NVL: variants seen among roughly 807,000 people sequenced by gnomAD.
NVL encodes the protein nuclear valosin-containing protein-like.
Under a neutral mutation model 110.2 loss-of-function variants are expected in NVL, and 84 were observed. The observed-to-expected ratio is 0.76, with a 90% CI of 0.64 to 0.91. The LOEUF is 0.91. NVL is among the 40% of genes least tolerant of loss of function. The probability of loss-of-function intolerance (pLI) is 0.00; values close to 1 mark genes in which losing one functional copy is unlikely to be tolerated. For missense variants in NVL, 882 were observed against 1,035.9 expected (o/e 0.85, Z 2.04); for synonymous variants, 354 against 361.1 (o/e 0.98, Z 0.22).
intron 2 of NVL, among the ~76,000 whole-genome samples, chr1:224,318,850 G>T (rs903677009): frequency 1.3e-5 from 2 of 151,398 alleles, no homozygotes; most frequent in Admixed American, 6.6e-5. Flanking sequence ...TTAGCCAGGC[G>T]TGGTGGTGGG....
intron 19 of NVL, among the ~76,000 whole-genome samples, chr1:224,242,720 G>A (rs530285261): frequency 6.2e-4 from 94 of 151,750 alleles, no homozygotes; most frequent in African/African-American, 1.9e-3. Context: ...CACCTGCCTC[G>A]GCCTCCCAAA....
At chr1:224,289,328 A>T (rs1281604040) in intron 13 of NVL, 156 bp downstream of exon 13, 1 of 592,380 alleles carries the variant, frequency 1.7e-6, no homozygotes, top group Non-Finnish European at 2.7e-6. Context: ...TATTTTTGAA[A>T]TGATAAACAT....
At chr1:224,304,247 A>G (rs1251788643) in intron 8 of NVL, among the ~76,000 whole-genome samples, 1 of 152,148 alleles carries the variant, frequency 6.6e-6, no homozygotes, top group Non-Finnish European at 1.5e-5. Context: ...CAACATGGTG[A>G]AGCCCTGTCT....
At chr1:224,238,408 G>A (rs528739461) in intron 19 of NVL, among the ~76,000 whole-genome samples, 68 of 152,298 alleles carry the variant, frequency 4.5e-4, no homozygotes, top group African/African-American at 1.6e-3. Flanking sequence ...TGGCTGAGAG[G>A]ACTGGAGCTG....
At chr1:224,278,154 A>G (rs951574399) in intron 16 of NVL, among the ~76,000 whole-genome samples, 2 of 151,886 alleles carry the variant, frequency 1.3e-5, no homozygotes, top group African/African-American at 4.8e-5. Flanking sequence ...ATGGCTGTTT[A>G]ATCTAAAATG....
Position 224,296,569 on chromosome 1 carries a change from G to C in NVL, c.1112C>G (p.Pro371Arg). The change falls in exon 11 of 23, where the codon CCC (proline) becomes CGC (arginine). Residue 371 changes from proline (P) to arginine (R), a missense_variant. Pro to Arg is a moderately radical substitution (Grantham distance 103). This residue lies in a region of NVL where 416 missense variants were observed against 499.3 expected (regional missense o/e 0.83). Coordinates refer to ENST00000281701, the MANE Select transcript of NVL (RefSeq NM_002533.4). ...ATCTTTTGAAGCCACTTCTCTTTTGGGGGTAATAGCATCAATTTCATCAAT... is the reference window on the plus strand; with the variant it reads ...ATCTTTTGAAGCCACTTCTCTTTTGCGGGTAATAGCATCAATTTCATCAAT... ...IFIDEIDAIT[P>R]KREVASKDME... 5 of 1,607,192 alleles carry C rather than the reference G, an allele frequency of 3.1e-6. No individual in the cohort carries two copies. The highest frequency in any genetic ancestry group is 4.2e-6 in the Non-Finnish European group (5 of 1,177,134).
chr1:224,251,760 C>T (rs2102762676), intron 18 of NVL, among the ~76,000 whole-genome samples: 1 of 152,290 alleles, frequency 6.6e-6, no homozygotes, highest in South Asian at 2.1e-4. Context: ...CACCACACCA[C>T]TCCACCCCAC....
intron 2 of NVL, among the ~76,000 whole-genome samples, chr1:224,322,588 G>A (rs1456229547): frequency 1.3e-5 from 2 of 152,138 alleles, no homozygotes; most frequent in Non-Finnish European, 2.9e-5. Flanking sequence ...TCAGAACTAG[G>A]TAGTAGAGGC....
At chr1:224,260,289 C>T (rs978456567) in intron 18 of NVL, among the ~76,000 whole-genome samples, 10 of 152,118 alleles carry the variant, frequency 6.6e-5, no homozygotes, top group South Asian at 2.1e-4. Flanking sequence ...TTTTTTGAGA[C>T]GGAGTCTTGC....
At chr1:224,289,832 G>T in intron 12 of NVL, 99 bp from the exon 13 acceptor site, 1 of 1,092,728 alleles carries the variant, frequency 9.2e-7, no homozygotes, top group Non-Finnish European at 1.3e-6. Context: ...TCTGCCAAAG[G>T]TATCAAAATG....
intron 5 of NVL, among the ~76,000 whole-genome samples, chr1:224,311,229 G>A (rs1669488948): frequency 6.7e-6 from 1 of 149,860 alleles, no homozygotes; most frequent in Non-Finnish European, 1.5e-5. Context: ...GGCTAATTTT[G>A]GGGGGTTTTT....
At chr1:224,229,296 C>CA (rs776253176) in intron 22 of NVL, among the ~76,000 whole-genome samples, 1,773 of 150,012 alleles carry the variant, frequency 0.012, 37 homozygotes, top group African/African-American at 0.038. Context: ...AACTCTGTCT[C>CA]AAAAAAATAA....
chr1:224,316,674 A>AAC (rs1416704048), intron 4 of NVL, among the ~76,000 whole-genome samples: 2 of 150,966 alleles, frequency 1.3e-5, no homozygotes, highest in African/African-American at 4.9e-5. Context: ...AAAAAAAAAA[A>AAC]AAAAGAAAAA....
chr1:224,296,710 A>G (rs1334604953), intron 10 of NVL, 92 bp from the exon 11 acceptor site: 1 of 772,432 alleles, frequency 1.3e-6, no homozygotes, highest in Non-Finnish European at 2.0e-6. Context: ...AAAATCTTCA[A>G]GGTCAAGGAT....
intron 4 of NVL, chr1:224,312,274 A>G (rs1209303735): frequency 6.4e-6 from 1 of 155,984 alleles, no homozygotes; most frequent in Non-Finnish European, 1.4e-5. Context: ...ATATTTCAGC[A>G]ACCTATAATT....
At chr1:224,294,753 G>C (rs868297547) in intron 11 of NVL, among the ~76,000 whole-genome samples, 1 of 152,080 alleles carries the variant, frequency 6.6e-6, no homozygotes. Context: ...AATAAGGGAG[G>C]GTTCATGGAG....
chr1:224,257,534 G>C (rs202086346), intron 18 of NVL, among the ~76,000 whole-genome samples: 3 of 151,252 alleles, frequency 2.0e-5, no homozygotes, highest in East Asian at 1.9e-4. Flanking sequence ...TTGTTTGTTT[G>C]TTTCTTTTTT....
At chr1:224,309,978 G>C (rs144054677) in intron 5 of NVL, among the ~76,000 whole-genome samples, 2 of 151,384 alleles carry the variant, frequency 1.3e-5, no homozygotes, top group East Asian at 3.9e-4. Context: ...GCAGTGAGCC[G>C]AGATGACACC....
intron 18 of NVL, among the ~76,000 whole-genome samples, chr1:224,256,768 G>A (rs1558264462): frequency 6.6e-6 from 1 of 152,008 alleles, no homozygotes; most frequent in Non-Finnish European, 1.5e-5. Context: ...TCCCTAAACA[G>A]GCCCCTACCA....
Sources: allele counts gnomAD v4.1 joint callset (sites outside exome capture counted in the v4.1 genomes callset), GRCh38; gene constraint gnomAD v4.1.1; regional missense constraint gnomAD v4.1.1; transcripts MANE v1.5; gene names NCBI Gene and HGNC (gene_info 2026-07-23, HGNC 2026-07-21).